The following ITPRID1 variants were observed in gnomAD, a reference collection of about 807,000 sequenced individuals.
ITPRID1 encodes the protein protein ITPRID1.
A neutral mutation model predicts 95.4 loss-of-function variants in ITPRID1; 96 were observed. The observed-to-expected ratio is 1.01, with a 90% CI of 0.85 to 1.19. The LOEUF (loss-of-function observed/expected upper bound fraction) is 1.19, where lower values mean the gene tolerates loss of function less well. Ranked by LOEUF, ITPRID1 falls within the 50% of genes most tolerant of loss-of-function variation. The pLI, the probability that ITPRID1 is intolerant of heterozygous loss-of-function variation, is 0.00. For synonymous variants in ITPRID1, 510 were observed against 453.6 expected, an observed-to-expected ratio of 1.12 and a Z score of -1.58; for missense variants, 1,339 against 1,252.9, an observed-to-expected ratio of 1.07 and a Z score of -1.04.
At chr7:31,525,412 C>G (rs564250860) in intron 1 of ITPRID1, among the ~76,000 whole-genome samples, 2 of 152,138 alleles carry the variant, frequency 1.3e-5, no homozygotes, top group African/African-American at 4.8e-5. Flanking sequence ...CACCCCATTG[C>G]GACAATCAAA....
chr7:31,600,774 C>G (rs1786360898), intron 10 of ITPRID1, among the ~76,000 whole-genome samples: 1 of 152,122 alleles, frequency 6.6e-6, no homozygotes, highest in Non-Finnish European at 1.5e-5. Flanking sequence ...GAAGATCATA[C>G]TTCACCATTT....
intron 10 of ITPRID1, among the ~76,000 whole-genome samples, chr7:31,614,770 A>T (rs1189644315): frequency 6.6e-6 from 1 of 152,202 alleles, no homozygotes; most frequent in Admixed American, 6.5e-5. Context: ...GAGAGCATTG[A>T]ACATCATTGT....
chr7:31,639,299 A>G (rs1002153719), intron 10 of ITPRID1, among the ~76,000 whole-genome samples: 5 of 151,750 alleles, frequency 3.3e-5, no homozygotes, highest in African/African-American at 9.7e-5. Context: ...TTAAATCTCT[A>G]TGTTTCATTT....
chr7:31,588,283 C>T (rs1785709213), intron 10 of ITPRID1, among the ~76,000 whole-genome samples: 1 of 152,126 alleles, frequency 6.6e-6, no homozygotes, highest in East Asian at 1.9e-4. Flanking sequence ...TTTTTAAAAG[C>T]TTTTTATTTT....
At chr7:31,565,669 C>T (rs535921933) in intron 5 of ITPRID1, among the ~76,000 whole-genome samples, 22 of 152,170 alleles carry the variant, frequency 1.4e-4, no homozygotes, top group African/African-American at 4.8e-4. Context: ...ACCTGAGAAG[C>T]GGAGGTTGCA....
At chr7:31,640,723 G>A (rs1789946132) in intron 10 of ITPRID1, among the ~76,000 whole-genome samples, 1 of 151,796 alleles carries the variant, frequency 6.6e-6, no homozygotes, top group African/African-American at 2.4e-5. Context: ...TATTACTACA[G>A]CTTTCCAGAA....
chr7:31,526,162 T>C (rs950295883), intron 1 of ITPRID1, among the ~76,000 whole-genome samples: 50 of 152,338 alleles, frequency 3.3e-4, no homozygotes, highest in African/African-American at 1.1e-3. Flanking sequence ...TTAGAATTGT[T>C]GGAAAACTGA....
rs1562583400 is a variant in ITPRID1 at position 31,578,309 on chromosome 7, C to A, written c.1045C>A (p.Pro349Thr). 1 of 1,613,912 alleles carries A rather than the reference C, an allele frequency of 6.2e-7. No individual in the cohort carries two copies. Among genetic ancestry groups the A allele is most frequent in the Non-Finnish European group, 8.5e-7 (1 of 1,179,852 alleles). ...ATCTATGCCGGCCAAGCAGGCTCCT[C>A]CTTCCTGTGTGTCTGAGGGGTCAGT... The part of the protein sequence containing the change: ...CSSMPAKQAP[P>T]SCVSEGSVKG... Residue 349 changes from proline (P) to threonine (T), a missense_variant, in exon 9 of 15, where the codon CCT becomes ACT. Pro to Thr is a conservative substitution (Grantham distance 38). Transcript: ENST00000615280.
At chr7:31,612,565 T>G in intron 10 of ITPRID1, among the ~76,000 whole-genome samples, 1 of 152,148 alleles carries the variant, frequency 6.6e-6, no homozygotes, top group East Asian at 1.9e-4. Context: ...ACCTATATAT[T>G]TTGTCAAGTA....
intron 10 of ITPRID1, among the ~76,000 whole-genome samples, chr7:31,613,197 G>C (rs1786958694): frequency 6.6e-6 from 1 of 152,152 alleles, no homozygotes; most frequent in African/African-American, 2.4e-5. Flanking sequence ...ATTGTTTTAA[G>C]GCTAATGAAG....
At position 31,642,209 on chromosome 7, in the gene ITPRID1, C is replaced by A; in HGVS notation, c.1262C>A (p.Ser421Tyr). The A allele has an allele frequency of 6.4e-7, 1 of 1,561,504 alleles. No homozygotes were observed. The stretch of plus-strand genomic sequence containing the variant: ...GTGGACAGAGCAAATAGCTGCCAGT[C>A]TGACAGCAGCGGGTTCCTGGAGGAG... ...ARVDRANSCQ[S>Y]DSSGFLEEPL... The change falls in exon 11 of 15, where the codon TCT (serine) becomes TAT (tyrosine). Residue 421 changes from serine (S) to tyrosine (Y), a missense_variant. Transcript: ENST00000615280.
chr7:31,612,451 GATATGATA>G (rs1256120996), intron 10 of ITPRID1, among the ~76,000 whole-genome samples: 3 of 152,014 alleles, frequency 2.0e-5, no homozygotes, highest in African/African-American at 7.2e-5. Context: ...CATTTAAAAT[GATATGATA>G]ATATGAAAAC....
chr7:31,642,629 A>C, intron 11 of ITPRID1, 53 bp from the exon 12 acceptor site: 1 of 1,515,420 alleles, frequency 6.6e-7, no homozygotes, highest in East Asian at 2.3e-5. Flanking sequence ...CCTTAAACCT[A>C]TTGCCTCCTC....
chr7:31,650,181 C>T (rs1191936704), intron 12 of ITPRID1, among the ~76,000 whole-genome samples: 1 of 152,180 alleles, frequency 6.6e-6, no homozygotes, highest in African/African-American at 2.4e-5. Context: ...GTAAGAAATA[C>T]ATATTTACAA....
At chr7:31,605,170 G>A (rs1786563988) in intron 10 of ITPRID1, among the ~76,000 whole-genome samples, 1 of 151,982 alleles carries the variant, frequency 6.6e-6, no homozygotes, top group African/African-American at 2.4e-5. Context: ...TCTTTCACAG[G>A]CCTTTTTGAA....
intron 10 of ITPRID1, among the ~76,000 whole-genome samples, chr7:31,635,762 T>C (rs912624780): frequency 8.6e-5 from 13 of 151,770 alleles, no homozygotes; most frequent in African/African-American, 2.9e-4. Context: ...ACACCACACA[T>C]TGGGGCTTGT....
chr7:31,562,630 G>T (rs1990376), intron 5 of ITPRID1, among the ~76,000 whole-genome samples: 87,494 of 151,938 alleles, frequency 0.58, 26,417 homozygotes, highest in Middle Eastern at 0.71. Flanking sequence ...TGTTTTAGGT[G>T]AAGGGAACAA....
chr7:31,645,837 C>A (rs183857812), intron 12 of ITPRID1, among the ~76,000 whole-genome samples: 5 of 152,066 alleles, frequency 3.3e-5, no homozygotes, highest in African/African-American at 4.8e-5. Context: ...AGAACAGCCA[C>A]CACAACAATG....
intron 1 of ITPRID1, among the ~76,000 whole-genome samples, chr7:31,524,483 G>A (rs544563816): frequency 1.1e-4 from 17 of 152,264 alleles, no homozygotes; most frequent in South Asian, 6.2e-4. Flanking sequence ...CCCATTTCGA[G>A]ATTAAAGATT....
Sources: allele counts gnomAD v4.1 joint callset (sites outside exome capture counted in the v4.1 genomes callset), GRCh38; gene constraint gnomAD v4.1.1; transcripts MANE v1.5; gene names NCBI Gene and HGNC (gene_info 2026-07-23, HGNC 2026-07-21).